LGR5: variants seen among roughly 807,000 people sequenced by gnomAD.
The protein encoded by LGR5 is leucine-rich repeat-containing G protein-coupled receptor 5.
Under a neutral mutation model 76.7 loss-of-function variants are expected in LGR5, and 54 were observed. The observed-to-expected ratio is 0.70, with a 90% CI of 0.57 to 0.88. The LOEUF is 0.88. LGR5 is among the 40% of genes least tolerant of loss of function. The probability of loss-of-function intolerance (pLI) is 0.00; values close to 1 mark genes in which losing one functional copy is unlikely to be tolerated. For synonymous variants in LGR5, 406 were observed against 421.9 expected (o/e 0.96, Z 0.46); for missense variants, 1,078 against 1,073.3 (o/e 1.00, Z -0.06).
chr12:71,452,696 C>CATGAGAACATCTCTTGATGTTAGAA (rs1177164779), intron 1 of LGR5, among the ~76,000 whole-genome samples: 11 of 152,166 alleles, frequency 7.2e-5, no homozygotes, highest in Non-Finnish European at 1.6e-4. Flanking sequence ...TTACTATCAA[C>CATGAGAACATCTCTTGATGTTAGAA]ATGAGAACAT....
At chr12:71,459,759 C>T (rs917228614) in intron 1 of LGR5, among the ~76,000 whole-genome samples, 1 of 151,804 alleles carries the variant, frequency 6.6e-6, no homozygotes, top group Non-Finnish European at 1.5e-5. Flanking sequence ...CCTGGTACTG[C>T]CCCTTATTTG....
chr12:71,511,320 T>C (rs558057630), intron 2 of LGR5, among the ~76,000 whole-genome samples: 131 of 152,260 alleles, frequency 8.6e-4, no homozygotes, highest in African/African-American at 2.6e-3. Flanking sequence ...ATTCTTTATC[T>C]AAACTTGTTC....
chr12:71,510,680 T>G (rs1387333719), intron 2 of LGR5, among the ~76,000 whole-genome samples: 1 of 152,156 alleles, frequency 6.6e-6, no homozygotes, highest in Admixed American at 6.5e-5. Context: ...CAACTGCATA[T>G]GATATTTGCT....
intron 2 of LGR5, among the ~76,000 whole-genome samples, chr12:71,520,963 T>C (rs1214334377): frequency 6.6e-6 from 1 of 152,186 alleles, no homozygotes; most frequent in Non-Finnish European, 1.5e-5. Context: ...ATAGTAAATA[T>C]TGTTTCACGT....
chr12:71,478,690 AT>A (rs1232609958), intron 1 of LGR5, among the ~76,000 whole-genome samples: 1 of 152,188 alleles, frequency 6.6e-6, no homozygotes, highest in East Asian at 1.9e-4. Flanking sequence ...GCATAGGATT[AT>A]TTTAGTTTAA....
chr12:71,462,205 T>G (rs1053824698), intron 1 of LGR5, among the ~76,000 whole-genome samples: 3 of 152,062 alleles, frequency 2.0e-5, no homozygotes, highest in Non-Finnish European at 4.4e-5. Flanking sequence ...GCATGCAAGA[T>G]CTCTACAATC....
intron 1 of LGR5, among the ~76,000 whole-genome samples, chr12:71,481,239 C>T (rs1024549183): frequency 2.0e-5 from 3 of 152,126 alleles, no homozygotes; most frequent in Admixed American, 1.3e-4. Flanking sequence ...GATGATATCC[C>T]TCCCCTTACC....
chr12:71,464,698 A>C (rs1277040210), intron 1 of LGR5, among the ~76,000 whole-genome samples: 1 of 152,214 alleles, frequency 6.6e-6, no homozygotes, highest in Non-Finnish European at 1.5e-5. Flanking sequence ...TACAGGATAC[A>C]TCTGTTGTTT....
At chr12:71,459,749 C>G (rs1176813990) in intron 1 of LGR5, among the ~76,000 whole-genome samples, 1 of 151,902 alleles carries the variant, frequency 6.6e-6, no homozygotes, top group African/African-American at 2.4e-5. Flanking sequence ...GTATTGGAAT[C>G]CTGGTACTGC....
chr12:71,578,672 C>A, intron 14 of LGR5, 132 bp from the exon 15 acceptor site: 1 of 806,326 alleles, frequency 1.2e-6, no homozygotes, highest in Non-Finnish European at 1.9e-6. Flanking sequence ...GTTACTTTTA[C>A]CATTAAGAGT....
intron 1 of LGR5, among the ~76,000 whole-genome samples, chr12:71,460,429 A>G (rs531979479): frequency 4.4e-4 from 67 of 152,226 alleles, no homozygotes; most frequent in African/African-American, 1.6e-3. Context: ...CAGCACATCA[A>G]GCTTCTGAGT....
At position 71,556,630 on chromosome 12, in the gene LGR5, A is replaced by C. The variant is rs1877780526; in HGVS notation, c.656A>C (p.Asn219Thr). Residue 219 changes from asparagine to threonine, a missense_variant, in exon 6 of 18, where the codon AAC becomes ACC. Coordinates refer to ENST00000266674, the MANE Select transcript of LGR5 (RefSeq NM_003667.4). ...LSSLVVLHLH[N>T]NRIHSLGKKC... ...ATGTTCTACTGCAGACATCTCCATAACAATAGAATCCACTCCCTGGGAAAG... is the reference window on the plus strand; with the variant it reads ...ATGTTCTACTGCAGACATCTCCATACCAATAGAATCCACTCCCTGGGAAAG... 2 of 1,609,516 alleles carry C rather than the reference A, an allele frequency of 1.2e-6. No homozygotes were observed. Among genetic ancestry groups the C allele is most frequent in the Admixed American group, 1.7e-5 (1 of 60,004 alleles).
At chr12:71,578,270 T>C (rs780468957) in intron 14 of LGR5, among the ~76,000 whole-genome samples, 2 of 152,222 alleles carry the variant, frequency 1.3e-5, no homozygotes, top group Non-Finnish European at 2.9e-5. Context: ...TGGAATGGAA[T>C]AAGATGTCAA....
intron 4 of LGR5, among the ~76,000 whole-genome samples, chr12:71,543,464 T>C (rs1876988240): frequency 6.6e-6 from 1 of 152,064 alleles, no homozygotes; most frequent in Admixed American, 6.6e-5. Context: ...GGGATGCTCA[T>C]GAACAAAAGG....
chr12:71,552,588 G>A (rs1419803451), intron 4 of LGR5, among the ~76,000 whole-genome samples: 1 of 151,038 alleles, frequency 6.6e-6, no homozygotes, highest in African/African-American at 2.4e-5. Flanking sequence ...AAAAAATTAC[G>A]CAGTTCCTTC....
chr12:71,490,893 T>C (rs1344084237), intron 1 of LGR5, among the ~76,000 whole-genome samples: 1 of 152,214 alleles, frequency 6.6e-6, no homozygotes, highest in Non-Finnish European at 1.5e-5. Context: ...AAGACTTTGA[T>C]ATGGTTTGGC....
At chr12:71,493,386 T>C (rs746655841) in intron 1 of LGR5, among the ~76,000 whole-genome samples, 14 of 151,312 alleles carry the variant, frequency 9.3e-5, no homozygotes, top group African/African-American at 1.2e-4. Context: ...CTATGAGGAT[T>C]CTCAATTCCT....
chr12:71,466,077 T>C lies in LGR5; in HGVS notation c.212+25785T>C, dbSNP rs190517605. Among the ~76,000 whole-genome samples, 376 of 152,346 alleles carry C rather than the reference T, an allele frequency of 2.5e-3. 1 individual carries two copies. Among genetic ancestry groups the C allele is most frequent in the African/African-American group, 8.2e-3 (341 of 41,572 alleles). On this transcript the variant is annotated intron_variant, in intron 1 of 17. Transcript: ENST00000266674. ...CCACCAACTAGATGGCTGGTGTACTTCAGTGATTCCTGTGCCTTTATGTAG... is the reference window on the plus strand; with the variant it reads ...CCACCAACTAGATGGCTGGTGTACTCCAGTGATTCCTGTGCCTTTATGTAG...
intron 4 of LGR5, among the ~76,000 whole-genome samples, chr12:71,542,007 G>C (rs532131465): frequency 4.4e-4 from 67 of 152,284 alleles, no homozygotes; most frequent in African/African-American, 1.5e-3. Context: ...TAAAAAGAAA[G>C]GGAAGTTGGA....
Sources: gnomAD v4.1 joint callset for allele counts (sites outside exome capture counted in the v4.1 genomes callset) on GRCh38, gnomAD v4.1.1 for gene constraint, MANE v1.5 for transcripts, NCBI Gene and HGNC (gene_info 2026-07-23, HGNC 2026-07-21) for gene names.